The following RPH3A variants were observed in gnomAD, a reference collection of about 807,000 sequenced individuals.
The protein encoded by RPH3A is rabphilin 3A.
In RPH3A, 48 loss-of-function variants were observed where a neutral mutation model predicts 102.2. That is an observed-to-expected ratio of 0.47 (90% CI 0.37 to 0.60). RPH3A has a LOEUF of 0.60. Ranked by LOEUF, RPH3A falls within the 20% of genes least tolerant of loss-of-function variation. The pLI, the probability that RPH3A is intolerant of heterozygous loss-of-function variation, is 0.00. For missense variants in RPH3A, 781 were observed against 910.1 expected (o/e 0.86, Z 1.83); for synonymous variants, 310 against 324.3 (o/e 0.96, Z 0.47).
chr12:112,871,503 G>A (rs551251571), intron 10 of RPH3A, among the ~76,000 whole-genome samples: 8 of 152,168 alleles, frequency 5.3e-5, no homozygotes, highest in African/African-American at 1.7e-4. Flanking sequence ...AGGTTCACCC[G>A]TGTTGTAGCA....
chr12:112,642,872 T>C (rs2135992418), intron 1 of RPH3A, among the ~76,000 whole-genome samples: 1 of 152,228 alleles, frequency 6.6e-6, no homozygotes, highest in Admixed American at 6.5e-5. Flanking sequence ...CAAATGGGAG[T>C]GGTTTCTCCC....
At chr12:112,619,319 C>G (rs2039703930) in intron 1 of RPH3A, among the ~76,000 whole-genome samples, 1 of 148,176 alleles carries the variant, frequency 6.7e-6, no homozygotes, top group African/African-American at 2.5e-5. Context: ...GAGTTTTGCT[C>G]TTGTTGCCCA....
rs1369765535 is a variant in RPH3A at position 112,876,787 on chromosome 12, C to T, written c.1092C>T (p.Pro364=). The stretch of plus-strand genomic sequence containing the variant: ...ATTCCCAAGCATCTGCAGCTGCCCC[C>T]CAGCCTGCTGCAGCCCGCCAGCCAC... ...GPYSQASAAA[P]QPAAARQPPP... Residue 364 remains proline (P), a synonymous_variant, in exon 13 of 22, where the codon CCC becomes CCT. Transcript: ENST00000389385. The T allele has an allele frequency of 5.0e-6, 8 of 1,610,568 alleles. No homozygotes were observed. Among genetic ancestry groups the T allele is most frequent in the Non-Finnish European group, 5.9e-6 (7 of 1,178,496 alleles).
intron 2 of RPH3A, among the ~76,000 whole-genome samples, chr12:112,824,296 G>C (rs575478437): frequency 6.6e-6 from 1 of 152,098 alleles, no homozygotes; most frequent in African/African-American, 2.4e-5. Flanking sequence ...CATTGGCTTT[G>C]TGCTGCTCCC....
chr12:112,698,017 T>A (rs879424463), intron 1 of RPH3A, among the ~76,000 whole-genome samples: 6 of 152,212 alleles, frequency 3.9e-5, no homozygotes, highest in Non-Finnish European at 1.5e-5. Flanking sequence ...TCAAGACTTA[T>A]TAAAGAGCTA....
rs936574486 is a variant in RPH3A at position 112,860,751 on chromosome 12, C to T, written c.231-4663C>T. Among the ~76,000 whole-genome samples the T allele has an allele frequency of 2.0e-5, 3 of 152,268 alleles. No homozygotes were observed. In the South Asian group the frequency reaches 6.2e-4, roughly 32 times the overall value. ...GCTGTGGCTGAGTGACCCAGGCAAG[C>T]GGCCCACTCTCTCTGTGTTCTGAGA... On this transcript the variant is annotated intron_variant, in intron 5 of 21. Coordinates refer to ENST00000389385, the MANE Select transcript of RPH3A (RefSeq NM_001143854.2).
Position 112,778,719 on chromosome 12 carries a change from C to T in RPH3A, c.-139-13424C>T, listed in dbSNP as rs1034273232. Among the ~76,000 whole-genome samples, 8 of 152,284 alleles carry T rather than the reference C, an allele frequency of 5.3e-5. No individual in the cohort carries two copies. In the South Asian group the frequency reaches 1.7e-3, roughly 32 times the overall value. ...TTCAGGCTGGAGGATACAAAGAAGC[C>T]TCTTGGCAGCCCCAGGCTTACATTG... On this transcript the variant is annotated intron_variant, in intron 1 of 21. Coordinates refer to the RPH3A transcript ENST00000543106.
At chr12:112,814,036 GGT>G (rs149412754) in intron 2 of RPH3A, among the ~76,000 whole-genome samples, 59 of 149,490 alleles carry the variant, frequency 3.9e-4, no homozygotes, top group African/African-American at 8.6e-4. Context: ...GTGGGAGTGG[GGT>G]GTGTGTGTGT....
upstream of RPH3A, among the ~76,000 whole-genome samples, chr12:112,788,435 G>T (rs569612870): frequency 3.7e-4 from 57 of 152,282 alleles, no homozygotes; most frequent in African/African-American, 1.3e-3. Context: ...AACTGACAGG[G>T]TCATGAAAAC....
At chr12:112,875,034 T>C in intron 10 of RPH3A, 50 bp from the exon 11 acceptor site, 1 of 1,447,162 alleles carries the variant, frequency 6.9e-7, no homozygotes. Flanking sequence ...CTTCCTGCTG[T>C]GTGTGTGTGT....
intron 3 of RPH3A, among the ~76,000 whole-genome samples, chr12:112,832,564 A>G (rs1423727714): frequency 6.6e-6 from 1 of 152,330 alleles, no homozygotes; most frequent in South Asian, 2.1e-4. Context: ...TATATTAGCC[A>G]GGAACTGTGG....
intron 1 of RPH3A, among the ~76,000 whole-genome samples, chr12:112,671,453 T>G (rs1016410594): frequency 2.0e-5 from 3 of 152,188 alleles, no homozygotes; most frequent in African/African-American, 7.2e-5. Context: ...AATGGAGGCA[T>G]ACCTCTTCCC....
intron 1 of RPH3A, among the ~76,000 whole-genome samples, chr12:112,597,136 C>A (rs182995029): frequency 1.3e-5 from 2 of 152,144 alleles, no homozygotes; most frequent in African/African-American, 4.8e-5. Flanking sequence ...CTGTACACAC[C>A]AAACTGACAC....
chr12:112,848,504 C>G (rs1393598282), intron 5 of RPH3A, among the ~76,000 whole-genome samples: 1 of 152,140 alleles, frequency 6.6e-6, no homozygotes, highest in African/African-American at 2.4e-5. Context: ...TGCTTGACCT[C>G]TCTGAGCCCC....
At chr12:112,600,804 C>T (rs544611926) in intron 1 of RPH3A, among the ~76,000 whole-genome samples, 8 of 152,216 alleles carry the variant, frequency 5.3e-5, no homozygotes, top group South Asian at 4.1e-4. Flanking sequence ...TATATTAGTC[C>T]GTCCTCATGC....
chr12:112,682,288 T>C (rs2040231415), intron 1 of RPH3A, among the ~76,000 whole-genome samples: 1 of 152,010 alleles, frequency 6.6e-6, no homozygotes, highest in Non-Finnish European at 1.5e-5. Context: ...AGTTCTGATG[T>C]TTAAGGGCAG....
chr12:112,676,191 GC>G (rs1346033293), intron 1 of RPH3A, among the ~76,000 whole-genome samples: 1 of 151,768 alleles, frequency 6.6e-6, no homozygotes, highest in Non-Finnish European at 1.5e-5. Flanking sequence ...TAGCAAAGGA[GC>G]CCAGGCAACA....
upstream of RPH3A, among the ~76,000 whole-genome samples, chr12:112,790,090 C>A (rs1168116487): frequency 6.6e-6 from 1 of 151,584 alleles, no homozygotes; most frequent in Non-Finnish European, 1.5e-5. Flanking sequence ...GAGTTTCACT[C>A]TCGTTGCCCA....
chr12:112,678,232 CG>C (rs1817651519), intron 1 of RPH3A, among the ~76,000 whole-genome samples: 1 of 74,650 alleles, frequency 1.3e-5, no homozygotes, highest in African/African-American at 5.1e-5. Flanking sequence ...AAGACCCTGT[CG>C]AAAGAAAGAA....
Sources: gnomAD v4.1 joint callset for allele counts (sites outside exome capture counted in the v4.1 genomes callset) on GRCh38, gnomAD v4.1.1 for gene constraint, MANE v1.5 for transcripts, NCBI Gene and HGNC (gene_info 2026-07-23, HGNC 2026-07-21) for gene names.